CNOT2: variants seen among roughly 807,000 people sequenced by gnomAD.
CNOT2 encodes the protein CCR4-NOT transcription complex subunit 2, also known as CC chemokine receptor 4-negative regulator of transcription 2.
Under a neutral mutation model 72.1 loss-of-function variants are expected in CNOT2, and 7 were observed. The observed-to-expected ratio is 0.10, with a 90% confidence interval of 0.06 to 0.18. CNOT2 has a LOEUF of 0.18. Among genes scored for constraint, CNOT2 ranks in the 10% least tolerant of loss-of-function variants. CNOT2 has a pLI of 1.00. For missense variants in CNOT2, 345 were observed against 660.3 expected (o/e 0.52, Z 5.23); for synonymous variants, 196 against 225.6 (o/e 0.87, Z 1.17).
At chr12:70,279,876 T>C (rs941321064) in intron 2 of CNOT2, among the ~76,000 whole-genome samples, 2 of 148,772 alleles carry the variant, frequency 1.3e-5, no homozygotes, top group Non-Finnish European at 2.9e-5. Context: ...CTAAAAGTAC[T>C]CCATTGTTTC....
intron 1 of CNOT2, among the ~76,000 whole-genome samples, chr12:70,253,910 A>G (rs1958280736): frequency 6.6e-6 from 1 of 152,134 alleles, no homozygotes; most frequent in South Asian, 2.1e-4. Context: ...TTTAACTTGC[A>G]CATTAGGTAC....
chr12:70,341,863 G>A, intron 11 of CNOT2: 2 of 497,166 alleles, frequency 4.0e-6, no homozygotes, highest in Non-Finnish European at 7.1e-6. Flanking sequence ...TTTGTATATT[G>A]TGATATGTTG....
chr12:70,282,794 A>C (rs1870096252), intron 2 of CNOT2, among the ~76,000 whole-genome samples: 1 of 152,098 alleles, frequency 6.6e-6, no homozygotes, highest in Non-Finnish European at 1.5e-5. Context: ...ATTGAGGTAC[A>C]TCTTTTTTAT....
At chr12:70,286,636 A>G (rs1332622005) in intron 2 of CNOT2, among the ~76,000 whole-genome samples, 1 of 149,912 alleles carries the variant, frequency 6.7e-6, no homozygotes, top group East Asian at 2.0e-4. Flanking sequence ...GTTTTCTTAA[A>G]TACTAAAGCT....
intron 1 of CNOT2, among the ~76,000 whole-genome samples, chr12:70,267,870 TGTTA>T (rs1327815544): frequency 6.6e-6 from 1 of 152,264 alleles, no homozygotes; most frequent in Non-Finnish European, 1.5e-5. Context: ...CTGCCACATT[TGTTA>T]GTTTATATAT....
chr12:70,315,959 A>G lies in CNOT2; in HGVS notation c.172-3339A>G, dbSNP rs901884886. On this transcript the variant is annotated intron_variant, in intron 3 of 15. Coordinates refer to ENST00000229195, the MANE Select transcript of CNOT2 (RefSeq NM_014515.7). Reference sequence around the variant, plus strand: ...AGTCTGAATGCCCCCTCTCACTCCTATTAATGAGAGTTCTGCAACTGAGGG... The same window carrying G: ...AGTCTGAATGCCCCCTCTCACTCCTGTTAATGAGAGTTCTGCAACTGAGGG... 5.9e-5 allele frequency among the ~76,000 whole-genome samples: 9 copies of G among 152,278 alleles called. No individual in the cohort carries two copies. In the South Asian group the frequency reaches 1.2e-3, roughly 21 times the overall value.
intron 1 of CNOT2, among the ~76,000 whole-genome samples, chr12:70,273,853 T>C (rs895033298): frequency 2.6e-5 from 4 of 152,122 alleles, no homozygotes; most frequent in African/African-American, 9.7e-5. Context: ...GTGAGACAAC[T>C]GTACAGTTGA....
At chr12:70,314,969 T>C (rs1325233313) in intron 3 of CNOT2, among the ~76,000 whole-genome samples, 1 of 152,174 alleles carries the variant, frequency 6.6e-6, no homozygotes, top group Admixed American at 6.5e-5. Flanking sequence ...GTTCAAGTGA[T>C]TCTCCTGCTT....
intron 1 of CNOT2, among the ~76,000 whole-genome samples, chr12:70,275,068 AG>A (rs1174681543): frequency 1.3e-5 from 2 of 152,074 alleles, no homozygotes; most frequent in African/African-American, 4.8e-5. Context: ...TACCTTTATA[AG>A]AAACTGCCTA....
intron 1 of CNOT2, among the ~76,000 whole-genome samples, chr12:70,254,988 A>G (rs1460906824): frequency 1.3e-5 from 2 of 151,514 alleles, no homozygotes; most frequent in African/African-American, 4.8e-5. Flanking sequence ...CTCAAAAAAA[A>G]AAAAAAAAAA....
intron 8 of CNOT2, chr12:70,336,349 G>A (rs570560520): frequency 6.6e-6 from 1 of 152,200 alleles, no homozygotes; most frequent in Admixed American, 6.5e-5. Flanking sequence ...GGAAACATAT[G>A]CAATAACAAT....
At chr12:70,337,840 A>G in intron 9 of CNOT2, 2 of 449,298 alleles carry the variant, frequency 4.5e-6, no homozygotes, top group South Asian at 3.3e-5. Context: ...CTCCTTGAAG[A>G]ATTTATACAC....
chr12:70,343,836 ATT>A (rs1881822448), intron 13 of CNOT2: 1 of 258,822 alleles, frequency 3.9e-6, no homozygotes, highest in Non-Finnish European at 7.3e-6. Flanking sequence ...CCCATTGGGT[ATT>A]AAATCCTTTT....
rs746286608 is a variant in CNOT2 at position 70,346,343 on chromosome 12, G to A, written c.1536+19G>A. Reference sequence around the variant, plus strand: ...AGCTAAGGTATATTTCTTTCCATGTGCAAATGTATAAATCTAAACTTGAAA... The same window carrying A: ...AGCTAAGGTATATTTCTTTCCATGTACAAATGTATAAATCTAAACTTGAAA... On this transcript the variant is annotated intron_variant, in intron 15 of 15. Coordinates refer to ENST00000229195, the MANE Select transcript of CNOT2 (RefSeq NM_014515.7). 1 of 1,597,780 alleles carries A rather than the reference G, an allele frequency of 6.3e-7. No individual in the cohort carries two copies. Among genetic ancestry groups the A allele is most frequent in the Non-Finnish European group, 8.6e-7 (1 of 1,166,044 alleles).
chr12:70,320,935 T>C (rs1878195585), intron 4 of CNOT2, among the ~76,000 whole-genome samples: 1 of 151,850 alleles, frequency 6.6e-6, no homozygotes. Context: ...ATGGAATGGG[T>C]TATGTTTAAA....
chr12:70,266,901 T>C (rs1263415507), intron 1 of CNOT2, among the ~76,000 whole-genome samples: 1 of 152,120 alleles, frequency 6.6e-6, no homozygotes, highest in Non-Finnish European at 1.5e-5. Flanking sequence ...ATATCTAATA[T>C]AATTATTGTT....
rs148263111 is a variant in CNOT2, at chr12:70,316,533, A to G, written c.172-2765A>G. On this transcript the variant is annotated intron_variant, in intron 3 of 15. Transcript: ENST00000229195. ...ATATTTGCATTTTTGACACATTTTGAGGCAGTAATTTTAAGATATGTCTGT... is the reference window on the plus strand; with the variant it reads ...ATATTTGCATTTTTGACACATTTTGGGGCAGTAATTTTAAGATATGTCTGT... Among the ~76,000 whole-genome samples the G allele has an allele frequency of 3.3e-5, 5 of 152,276 alleles. No homozygotes were observed. In the East Asian group the frequency reaches 9.6e-4, roughly 29 times the overall value.
chr12:70,274,303 G>A (rs1221239164), intron 1 of CNOT2, among the ~76,000 whole-genome samples: 1 of 152,014 alleles, frequency 6.6e-6, no homozygotes, highest in Non-Finnish European at 1.5e-5. Flanking sequence ...TAGAATTTGA[G>A]GAACCCTTAT....
At position 70,314,206 on chromosome 12, in the gene CNOT2, A is replaced by C. The variant is rs572131996; in HGVS notation, c.171+3189A>C. On this transcript the variant is annotated intron_variant, in intron 3 of 15. Transcript: ENST00000229195. ...ATACTTTGTGTAGTTATTTTATAAC[A>C]AACTGCCATGTAAAAGTCTTCTATT... is the stretch of plus-strand genomic sequence containing the variant. Among the ~76,000 whole-genome samples the C allele has an allele frequency of 3.3e-5, 5 of 152,286 alleles. No homozygotes were observed. In the East Asian group the frequency reaches 9.6e-4, roughly 29 times the overall value.
Sources: gnomAD v4.1 joint callset for allele counts (sites outside exome capture counted in the v4.1 genomes callset) on GRCh38, gnomAD v4.1.1 for gene constraint, MANE v1.5 for transcripts, NCBI Gene and HGNC (gene_info 2026-07-23, HGNC 2026-07-21) for gene names.